PACRG: variants seen among roughly 807,000 people sequenced by gnomAD.
PACRG encodes parkin coregulated gene protein.
Under a neutral mutation model 29.7 loss-of-function variants are expected in PACRG, and 29 were observed. That is an observed-to-expected ratio of 0.98 (90% confidence interval 0.73 to 1.33). The LOEUF (loss-of-function observed/expected upper bound fraction) is 1.33, where lower values mean the gene tolerates loss of function less well. PACRG is among the 40% of genes most tolerant of loss of function. PACRG has a pLI of 0.00. For missense variants in PACRG, 279 were observed against 316.2 expected (o/e 0.88, Z 0.89); for synonymous variants, 116 against 118.7 (o/e 0.98, Z 0.15).
upstream of PACRG, chr6:162,727,548 G>C: frequency 8.4e-7 from 1 of 1,186,050 alleles, no homozygotes. Context: ...CGGGCACTTT[G>C]GCCCCGTCAT....
chr6:162,729,961 A>T lies in PACRG; in HGVS notation c.156+1570A>T, dbSNP rs375828839. ...CTTCTCTTTTTATGTTCTAAAGGAA[A>T]ATCTTGTACTAGCAATACCTCTCTT... On this transcript the variant is annotated intron_variant, in intron 1 of 4. Transcript: ENST00000366888. Among the ~76,000 whole-genome samples the T allele has an allele frequency of 3.3e-5, 5 of 152,250 alleles. No homozygotes were observed. The South Asian group carries it at 8.3e-4, about 25-fold the overall frequency.
At chr6:162,789,651 A>C (rs1784781211) in intron 1 of PACRG, among the ~76,000 whole-genome samples, 1 of 152,172 alleles carries the variant, frequency 6.6e-6, no homozygotes, top group African/African-American at 2.4e-5. Context: ...GGTATCATGG[A>C]TTAATTTACA....
rs1314397135 is a variant in PACRG, at chr6:162,838,478, A to T, written c.291+24197A>T. On this transcript the variant is annotated intron_variant, in intron 2 of 4. Transcript: ENST00000366888. Reference sequence around the variant, plus strand: ...ATCAGCCAATCACATAGCCATGAATAACTTCAAAGAAGGCTGGGAAATACA... The same window carrying T: ...ATCAGCCAATCACATAGCCATGAATTACTTCAAAGAAGGCTGGGAAATACA... 2.0e-5 allele frequency among the ~76,000 whole-genome samples: 3 copies of T among 152,188 alleles called. No individual in the cohort carries two copies. In the East Asian group the frequency reaches 5.8e-4, roughly 29 times the overall value.
chr6:162,820,322 C>A (rs1200987856), intron 2 of PACRG, among the ~76,000 whole-genome samples: 1 of 151,568 alleles, frequency 6.6e-6, no homozygotes, highest in East Asian at 1.9e-4. Flanking sequence ...CTTTTTATTT[C>A]TCAGCAGCAT....
intron 1 of PACRG, among the ~76,000 whole-genome samples, chr6:162,784,736 A>G (rs1784331496): frequency 6.6e-6 from 1 of 152,188 alleles, no homozygotes; most frequent in African/African-American, 2.4e-5. Context: ...CAACTGTGAC[A>G]ATTCGGAAGG....
intron 4 of PACRG, among the ~76,000 whole-genome samples, chr6:163,205,337 A>T (rs2128151576): frequency 6.6e-6 from 1 of 152,346 alleles, no homozygotes; most frequent in East Asian, 1.9e-4. Flanking sequence ...TACAGTAACC[A>T]AAACAGCATG....
upstream of PACRG, chr6:162,727,231 G>A (rs893924157): frequency 5.7e-6 from 1 of 175,950 alleles, no homozygotes; most frequent in Admixed American, 6.4e-5. Flanking sequence ...GAGCCCCACA[G>A]AGAGTGGGTC....
chr6:162,732,686 G>A (rs1018232215), intron 1 of PACRG, among the ~76,000 whole-genome samples: 2 of 152,178 alleles, frequency 1.3e-5, no homozygotes, highest in African/African-American at 4.8e-5. Context: ...ATGAACTAAT[G>A]GGTGCCCTCA....
At chr6:163,032,322 C>T (rs1807744966) in intron 2 of PACRG, among the ~76,000 whole-genome samples, 1 of 146,946 alleles carries the variant, frequency 6.8e-6, no homozygotes. Flanking sequence ...CATTTCAGCT[C>T]TCTATGAGAG....
At chr6:162,878,015 A>G (rs1363218232) in intron 2 of PACRG, among the ~76,000 whole-genome samples, 1 of 152,240 alleles carries the variant, frequency 6.6e-6, no homozygotes, top group Non-Finnish European at 1.5e-5. Flanking sequence ...AGATAGTTTC[A>G]CTTAACTGGG....
chr6:163,066,054 T>A (rs1200966922), intron 3 of PACRG, among the ~76,000 whole-genome samples: 1 of 152,050 alleles, frequency 6.6e-6, no homozygotes, highest in Non-Finnish European at 1.5e-5. Context: ...GGAGGAAAAA[T>A]TATCTCTTAT....
chr6:163,196,870 T>C (rs1780473397), intron 4 of PACRG, among the ~76,000 whole-genome samples: 1 of 149,876 alleles, frequency 6.7e-6, no homozygotes, highest in Non-Finnish European at 1.5e-5. Flanking sequence ...GACAGACAAA[T>C]AGACAGGTAG....
chr6:162,948,272 G>A (rs1262602702), intron 2 of PACRG, among the ~76,000 whole-genome samples: 2 of 151,944 alleles, frequency 1.3e-5, no homozygotes, highest in Non-Finnish European at 2.9e-5. Flanking sequence ...TTTGACATAG[G>A]TGCCAACAAC....
rs116271405 is a variant in PACRG, at chr6:162,800,988, C to T, written c.157-13159C>T. 6.9e-3 allele frequency among the ~76,000 whole-genome samples: 1,052 copies of T among 152,298 alleles called. 10 individuals are homozygous for T. Among genetic ancestry groups the T allele is most frequent in the African/African-American group, 0.023 (967 of 41,564 alleles). On this transcript the variant is annotated intron_variant, in intron 1 of 4. Coordinates refer to ENST00000366888, the MANE Select transcript of PACRG (RefSeq NM_001080379.2). ...AGTTCCTCCACGTGCGCTGAGCCGTCTTCTGAACTGCCTGCGTCTTCGTGG... is the reference window on the plus strand; with the variant it reads ...AGTTCCTCCACGTGCGCTGAGCCGTTTTCTGAACTGCCTGCGTCTTCGTGG...
At chr6:162,755,581 A>T (rs1454828299) in intron 1 of PACRG, among the ~76,000 whole-genome samples, 3 of 151,880 alleles carry the variant, frequency 2.0e-5, no homozygotes, top group Non-Finnish European at 4.4e-5. Flanking sequence ...GATTACAGGC[A>T]CCCGCCACCA....
chr6:163,004,344 TA>T (rs1257334184), intron 2 of PACRG, among the ~76,000 whole-genome samples: 1 of 151,780 alleles, frequency 6.6e-6, no homozygotes. Flanking sequence ...TGAGACTGGG[TA>T]ATTTATAAAA....
intron 4 of PACRG, 135 bp from the exon 5 acceptor site, chr6:163,314,692 C>A: frequency 1.0e-6 from 1 of 970,406 alleles, no homozygotes; most frequent in Non-Finnish European, 1.4e-6. Context: ...GCTTTTAAAA[C>A]TCCGCAAGAT....
chr6:163,216,637 C>T (rs1781373519), intron 4 of PACRG, among the ~76,000 whole-genome samples: 1 of 152,152 alleles, frequency 6.6e-6, no homozygotes, highest in Non-Finnish European at 1.5e-5. Context: ...CATCCATCTA[C>T]CCTTCAGCGC....
chr6:162,791,436 C>T (rs1156823575), intron 1 of PACRG, among the ~76,000 whole-genome samples: 1 of 150,388 alleles, frequency 6.6e-6, no homozygotes, highest in African/African-American at 2.5e-5. Flanking sequence ...TAAAATATGT[C>T]AGAACAATGG....
Sources: gnomAD v4.1 joint callset for allele counts (sites outside exome capture counted in the v4.1 genomes callset) on GRCh38, gnomAD v4.1.1 for gene constraint, MANE v1.5 for transcripts, NCBI Gene and HGNC (gene_info 2026-07-23, HGNC 2026-07-21) for gene names.